MYO1H: variants seen among roughly 807,000 people sequenced by gnomAD.
The protein encoded by MYO1H is unconventional myosin-Ih.
Under a neutral mutation model 149.3 loss-of-function variants are expected in MYO1H, and 118 were observed. That is an observed-to-expected ratio of 0.79 (90% CI 0.68 to 0.92). The LOEUF is 0.92. Among genes scored for constraint, MYO1H ranks in the 40% least tolerant of loss-of-function variants. MYO1H has a pLI of 0.00. For synonymous variants in MYO1H, 447 were observed against 465.2 expected, an observed-to-expected ratio of 0.96 and a Z score of 0.50; for missense variants, 1,212 against 1,280.7, an observed-to-expected ratio of 0.95 and a Z score of 0.82.
chr12:109,344,012 C>A (rs1279389673), upstream of MYO1H, among the ~76,000 whole-genome samples: 1 of 152,136 alleles, frequency 6.6e-6, no homozygotes, highest in Non-Finnish European at 1.5e-5. Context: ...GTGACAGTTT[C>A]TCAGACTTTC....
At chr12:109,361,159 A>G (rs1296428477) in intron 1 of MYO1H, among the ~76,000 whole-genome samples, 1 of 152,208 alleles carries the variant, frequency 6.6e-6, no homozygotes, top group Non-Finnish European at 1.5e-5. Context: ...TTGCCATGCA[A>G]TGTTTTTAAA....
At chr12:109,324,187 G>C in the MYO1H span, among the ~76,000 whole-genome samples, 1 of 152,162 alleles carries the variant, frequency 6.6e-6, no homozygotes, top group Non-Finnish European at 1.5e-5. Flanking sequence ...AAAGGATGAG[G>C]TCAACTGACC....
At chr12:109,336,292 C>T in the MYO1H span, among the ~76,000 whole-genome samples, 1 of 152,132 alleles carries the variant, frequency 6.6e-6, no homozygotes, top group Non-Finnish European at 1.5e-5. Context: ...CTTTTCAATC[C>T]ACCTTGACAA....
chr12:109,401,823 T>G (rs1870181190), intron 6 of MYO1H, among the ~76,000 whole-genome samples: 1 of 152,066 alleles, frequency 6.6e-6, no homozygotes, highest in African/African-American at 2.4e-5. Context: ...CATTGCAGCC[T>G]TGACCTCCTG....
At chr12:109,439,986 G>C (rs1872045922) in intron 24 of MYO1H, among the ~76,000 whole-genome samples, 196 bp downstream of exon 24, 2 of 151,972 alleles carry the variant, frequency 1.3e-5, no homozygotes, top group South Asian at 4.2e-4. Context: ...AAAGCCACTG[G>C]AGTGTCCTTA....
At chr12:109,333,565 C>G in the MYO1H span, among the ~76,000 whole-genome samples, 2 of 152,050 alleles carry the variant, frequency 1.3e-5, no homozygotes. Flanking sequence ...AGACTGCAAC[C>G]AGAAGCACAC....
intron 6 of MYO1H, 24 bp from the exon 7 acceptor site, chr12:109,403,958 G>A: frequency 6.4e-7 from 1 of 1,558,756 alleles, no homozygotes; most frequent in Non-Finnish European, 8.8e-7. Flanking sequence ...ATGACATTAA[G>A]TGACTCAAAC....
chr12:109,418,531 G>A (rs988118773), intron 15 of MYO1H, among the ~76,000 whole-genome samples: 5 of 151,438 alleles, frequency 3.3e-5, no homozygotes, highest in African/African-American at 1.2e-4. Flanking sequence ...TGTATTTTTA[G>A]TAGAGACAGG....
chr12:109,435,246 G>T, intron 21 of MYO1H, 133 bp downstream of exon 21: 1 of 606,910 alleles, frequency 1.6e-6, no homozygotes, highest in South Asian at 2.1e-5. Flanking sequence ...ACGAGATATG[G>T]GATTATGATA....
intron 4 of MYO1H, among the ~76,000 whole-genome samples, chr12:109,397,484 C>T (rs1196804716): frequency 6.6e-6 from 1 of 152,132 alleles, no homozygotes; most frequent in Non-Finnish European, 1.5e-5. Flanking sequence ...GAGACCATTT[C>T]CAATATATTC....
chr12:109,399,545 T>C (rs1469781929), intron 5 of MYO1H, among the ~76,000 whole-genome samples: 1 of 146,522 alleles, frequency 6.8e-6, no homozygotes, highest in East Asian at 2.0e-4. Context: ...TGAGCCCAGA[T>C]TGTGCCACTG....
In MYO1H at chr12:109,406,207, C is replaced by G. The variant is rs576141852; in HGVS notation, c.963+172C>G. 1.5e-3 allele frequency among the ~76,000 whole-genome samples: 233 copies of G among 152,090 alleles called. 1 individual carries two copies. Among genetic ancestry groups the G allele is most frequent in the African/African-American group, 5.4e-3 (225 of 41,512 alleles). On this transcript the variant is annotated intron_variant, in intron 8 of 31. Transcript: ENST00000310903. ...TGAAGGAGAGGGCAGGAGTAAAAGCCAGTTGGTTGAGGGAGCTATTGTGGC... is the reference window on the plus strand; with the variant it reads ...TGAAGGAGAGGGCAGGAGTAAAAGCGAGTTGGTTGAGGGAGCTATTGTGGC...
chr12:109,371,233 T>G (rs1308074823), intron 1 of MYO1H, among the ~76,000 whole-genome samples: 3 of 144,304 alleles, frequency 2.1e-5, no homozygotes, highest in Non-Finnish European at 3.0e-5. Flanking sequence ...TTTTTTTTTT[T>G]GAAATAGGGT....
At chr12:109,427,377 C>A (rs1871393462) in intron 18 of MYO1H, 92 bp from the exon 19 acceptor site, 2 of 801,084 alleles carry the variant, frequency 2.5e-6, no homozygotes, top group African/African-American at 1.7e-5. Context: ...AGACCCAGCC[C>A]ACTGAACTTC....
At chr12:109,311,209 G>A in the MYO1H span, among the ~76,000 whole-genome samples, 4 of 152,218 alleles carry the variant, frequency 2.6e-5, no homozygotes, top group African/African-American at 4.8e-5. Context: ...CATCCAGTCT[G>A]TGAGTTCTGT....
intron 7 of MYO1H, among the ~76,000 whole-genome samples, chr12:109,405,204 C>A (rs189347157): frequency 6.6e-6 from 1 of 151,412 alleles, no homozygotes; most frequent in East Asian, 1.9e-4. Flanking sequence ...CAGAGCAAGA[C>A]CCTGTCTCTT....
intron 15 of MYO1H, among the ~76,000 whole-genome samples, chr12:109,417,265 A>G (rs1870953749): frequency 6.6e-6 from 1 of 152,206 alleles, no homozygotes; most frequent in South Asian, 2.1e-4. Context: ...CATTTCCACC[A>G]GCAGTATATG....
At chr12:109,414,939 T>C (rs935458039) in intron 14 of MYO1H, among the ~76,000 whole-genome samples, 4 of 152,080 alleles carry the variant, frequency 2.6e-5, no homozygotes, top group African/African-American at 9.7e-5. Context: ...CTCAAACTCC[T>C]GGCCTTAAAC....
intron 1 of MYO1H, among the ~76,000 whole-genome samples, chr12:109,355,578 T>C (rs903028871): frequency 6.6e-6 from 1 of 152,176 alleles, no homozygotes; most frequent in African/African-American, 2.4e-5. Flanking sequence ...GTGGGTTTTC[T>C]AGATCCACCA....
Sources: gnomAD v4.1 joint callset for allele counts (sites outside exome capture counted in the v4.1 genomes callset) on GRCh38, gnomAD v4.1.1 for gene constraint, MANE v1.5 for transcripts, NCBI Gene and HGNC (gene_info 2026-07-23, HGNC 2026-07-21) for gene names.